The following GABRG3 variants were observed in gnomAD, a reference collection of about 807,000 sequenced individuals.
The protein encoded by GABRG3 is gamma-aminobutyric acid type A receptor subunit gamma3, also known as gamma-aminobutyric acid receptor subunit gamma-3.
GABRG3 carries 25 observed loss-of-function variants against 48.8 expected under a neutral mutation model. That is an observed-to-expected ratio of 0.51 (90% CI 0.37 to 0.72). GABRG3 has a LOEUF of 0.72. Among genes scored for constraint, GABRG3 ranks in the 30% least tolerant of loss-of-function variants. The probability of loss-of-function intolerance (pLI) is 0.00; values close to 1 mark genes in which losing one functional copy is unlikely to be tolerated. For synonymous variants in GABRG3, 227 were observed against 217.6 expected, an observed-to-expected ratio of 1.04 and a Z score of -0.38; for missense variants, 394 against 577.9, an observed-to-expected ratio of 0.68 and a Z score of 3.26.
At position 27,237,545 on chromosome 15, in the gene GABRG3, TG is replaced by T. The variant is rs375284872; in HGVS notation, c.271-89261del. 1.3e-4 allele frequency among the ~76,000 whole-genome samples: 20 copies of T among 152,136 alleles called. No homozygotes were observed. In the South Asian group the frequency reaches 3.5e-3, roughly 27 times the overall value. The stretch of plus-strand genomic sequence containing the variant: ...CCGAGAGGAACAGAAAACAGCTCCA[TG>T]GGTTCAAAAGACACACAGGGACAGG... On this transcript the variant is annotated intron_variant, in intron 3 of 9. Coordinates refer to ENST00000615808, the MANE Select transcript of GABRG3 (RefSeq NM_033223.5).
At chr15:27,332,399 G>A (rs1464201900) in intron 5 of GABRG3, among the ~76,000 whole-genome samples, 1 of 152,062 alleles carries the variant, frequency 6.6e-6, no homozygotes, top group Non-Finnish European at 1.5e-5. Flanking sequence ...CAGCTCGGGA[G>A]GCTGAGGCAG....
chr15:27,090,928 A>G (rs1345484619), intron 3 of GABRG3, among the ~76,000 whole-genome samples: 1 of 152,194 alleles, frequency 6.6e-6, no homozygotes, highest in African/African-American at 2.4e-5. Flanking sequence ...TTTTATACAT[A>G]TAAGGGTGTA....
chr15:27,225,498 T>A (rs1469579168), intron 3 of GABRG3, among the ~76,000 whole-genome samples: 1 of 152,132 alleles, frequency 6.6e-6, no homozygotes, highest in Admixed American at 6.5e-5. Context: ...TACCTGTAGA[T>A]CAAGATTTAT....
intron 2 of GABRG3, among the ~76,000 whole-genome samples, chr15:27,021,938 A>C (rs1447389956): frequency 2.0e-5 from 3 of 152,240 alleles, no homozygotes; most frequent in Non-Finnish European, 4.4e-5. Flanking sequence ...CTCAGAAAGA[A>C]CTAAGTGACT....
chr15:27,121,662 C>T (rs1021042380), intron 3 of GABRG3, among the ~76,000 whole-genome samples: 8 of 152,180 alleles, frequency 5.3e-5, no homozygotes, highest in African/African-American at 1.9e-4. Flanking sequence ...ATGTAATTTG[C>T]CCAAGGTCAT....
intron 3 of GABRG3, 129 bp downstream of exon 3, chr15:27,026,950 A>C: frequency 1.8e-6 from 1 of 544,508 alleles, no homozygotes; most frequent in Non-Finnish European, 3.1e-6. Context: ...AATCTGTAAC[A>C]CTTATTGGAA....
intron 3 of GABRG3, among the ~76,000 whole-genome samples, chr15:27,066,967 G>A (rs920567422): frequency 6.6e-6 from 1 of 152,152 alleles, no homozygotes; most frequent in Non-Finnish European, 1.5e-5. Flanking sequence ...GACTTTGAGG[G>A]GCATGGTGGG....
intron 3 of GABRG3, among the ~76,000 whole-genome samples, chr15:27,313,196 G>GTATATA (rs201133227): frequency 1.6e-5 from 2 of 127,760 alleles, no homozygotes; most frequent in African/African-American, 5.8e-5. Context: ...ATATATATGT[G>GTATATA]TATATATATA....
intron 5 of GABRG3, among the ~76,000 whole-genome samples, chr15:27,381,025 A>G (rs991084095): frequency 2.6e-5 from 4 of 152,132 alleles, no homozygotes; most frequent in Admixed American, 1.3e-4. Context: ...TCGGCCTCCC[A>G]AAGTGCTAGG....
intron 3 of GABRG3, among the ~76,000 whole-genome samples, chr15:27,082,829 TG>T (rs1897013541): frequency 6.6e-6 from 1 of 152,208 alleles, no homozygotes; most frequent in Non-Finnish European, 1.5e-5. Flanking sequence ...GCAGGAATGT[TG>T]ATGCTTGCTA....
At position 27,319,062 on chromosome 15, in the gene GABRG3, C is replaced by T. The variant is rs1466150539; in HGVS notation, c.271-7747C>T. ...GAGGGTAGATCATAAATGTTCTCACCACCATAAAAAAATAAAAGGCAACTG... is the reference window on the plus strand; with the variant it reads ...GAGGGTAGATCATAAATGTTCTCACTACCATAAAAAAATAAAAGGCAACTG... On this transcript the variant is annotated intron_variant, in intron 3 of 9. Coordinates refer to ENST00000615808, the MANE Select transcript of GABRG3 (RefSeq NM_033223.5). This position sits in a 1 kb window ranked among gnomAD's most constrained non-coding sequence, Gnocchi z 4.4. Among the ~76,000 whole-genome samples the T allele has an allele frequency of 6.6e-6, 1 of 151,956 alleles. No homozygotes were observed. The highest frequency in any genetic ancestry group is 6.6e-5 in the Admixed American group (1 of 15,258).
intron 2 of GABRG3, among the ~76,000 whole-genome samples, chr15:26,995,466 G>C (rs751497672): frequency 1.3e-5 from 2 of 150,990 alleles, no homozygotes; most frequent in African/African-American, 4.8e-5. Context: ...AATATGGTTA[G>C]ACTTAATCTG....
At chr15:27,226,806 C>T (rs1595598143) in intron 3 of GABRG3, among the ~76,000 whole-genome samples, 1 of 152,212 alleles carries the variant, frequency 6.6e-6, no homozygotes, top group African/African-American at 2.4e-5. Flanking sequence ...CACCTTGTCC[C>T]TTTGGCCATA....
chr15:27,310,436 A>G (rs1043677748), intron 3 of GABRG3, among the ~76,000 whole-genome samples: 2 of 152,192 alleles, frequency 1.3e-5, no homozygotes, highest in African/African-American at 2.4e-5. Context: ...GTATTATTCT[A>G]TAGAGTTAAC....
Position 27,540,679 on chromosome 15 carries a change from T to G in GABRG3, c.*7798T>G, listed in dbSNP as rs1891644807. ...ACGTTTGTACAACTACACAATGTGT[T>G]TTCCTTTACGTGCAGCTCCGGTACT... On this transcript the variant is annotated 3_prime_UTR_variant, in exon 10 of 10. Coordinates refer to ENST00000615808, the MANE Select transcript of GABRG3 (RefSeq NM_033223.5). 1 of 152,246 alleles carries G rather than the reference T, an allele frequency of 6.6e-6. No individual in the cohort carries two copies. 9.4% of individuals were successfully genotyped at this position (152,246 alleles called of 1,614,324 possible).
intron 3 of GABRG3, among the ~76,000 whole-genome samples, chr15:27,289,367 A>G (rs1407068905): frequency 6.6e-6 from 1 of 151,922 alleles, no homozygotes; most frequent in African/African-American, 2.4e-5. Context: ...TATTCTTCAA[A>G]CTGGATGATC....
intron 5 of GABRG3, among the ~76,000 whole-genome samples, chr15:27,456,623 G>A (rs923312929): frequency 1.3e-5 from 2 of 152,214 alleles, no homozygotes; most frequent in Non-Finnish European, 2.9e-5. Context: ...GAAGGAGGAT[G>A]TCTTCCCAAG....
At chr15:27,416,631 C>G (rs993641524) in intron 5 of GABRG3, among the ~76,000 whole-genome samples, 1 of 152,154 alleles carries the variant, frequency 6.6e-6, no homozygotes, top group Non-Finnish European at 1.5e-5. Context: ...TGGAGTTTCT[C>G]TCTCTCAGAA....
At chr15:27,207,540 C>G (rs1406518286) in intron 3 of GABRG3, among the ~76,000 whole-genome samples, 2 of 152,172 alleles carry the variant, frequency 1.3e-5, no homozygotes, top group African/African-American at 4.8e-5. Context: ...AATACAGCCT[C>G]TAGTGGAAAG....
Sources: gnomAD v4.1 joint callset for allele counts (sites outside exome capture counted in the v4.1 genomes callset) on GRCh38, gnomAD v4.1.1 for gene constraint, Gnocchi (gnomAD v3.1) non-coding constraint, MANE v1.5 for transcripts, NCBI Gene and HGNC (gene_info 2026-07-23, HGNC 2026-07-21) for gene names.